Variants in ANKS1B observed in about 807,000 individuals in gnomAD.
ANKS1B encodes the protein ankyrin repeat and sterile alpha motif domain-containing protein 1B.
ANKS1B carries 36 observed loss-of-function variants against 148.3 expected under a neutral mutation model. That is an observed-to-expected ratio of 0.24 (90% CI 0.19 to 0.32). ANKS1B has a LOEUF of 0.32. Among genes scored for constraint, ANKS1B ranks in the 10% least tolerant of loss-of-function variants. The probability of loss-of-function intolerance (pLI) is 1.00; values close to 1 mark genes in which losing one functional copy is unlikely to be tolerated. For missense variants in ANKS1B, 1,157 were observed against 1,542.6 expected, an observed-to-expected ratio of 0.75 and a Z score of 4.19; for synonymous variants, 542 against 560.8, an observed-to-expected ratio of 0.97 and a Z score of 0.47.
At chr12:98,984,738 G>C (rs2099922258) in intron 17 of ANKS1B, among the ~76,000 whole-genome samples, 1 of 152,022 alleles carries the variant, frequency 6.6e-6, no homozygotes. Context: ...TGTGGCTCAT[G>C]GTGGCTCATG....
intron 11 of ANKS1B, among the ~76,000 whole-genome samples, chr12:99,409,977 G>C (rs1400840137): frequency 6.6e-6 from 1 of 152,156 alleles, no homozygotes; most frequent in South Asian, 2.1e-4. Context: ...CTGTGGTCCA[G>C]TCCTCATATC....
In ANKS1B at chr12:99,668,729, G is replaced by A. The variant is rs1246985646; in HGVS notation, c.1129-13519C>T. Among the ~76,000 whole-genome samples, 3 of 149,084 alleles carry A rather than the reference G, an allele frequency of 2.0e-5. No homozygotes were observed. In the Admixed American group the frequency reaches 2.0e-4, roughly 10 times the overall value. Reference sequence around the variant, plus strand: ...GCCATTGTTTTTGTTATTTTTTTTTGTTATTCTTTCATTCCTAACCCCTCC... The same window carrying A: ...GCCATTGTTTTTGTTATTTTTTTTTATTATTCTTTCATTCCTAACCCCTCC... On this transcript the variant is annotated intron_variant, in intron 8 of 26. Coordinates refer to ENST00000683438, the MANE Select transcript of ANKS1B (RefSeq NM_001352186.2).
intron 17 of ANKS1B, among the ~76,000 whole-genome samples, chr12:98,875,321 A>G (rs2099685681): frequency 2.0e-5 from 3 of 152,156 alleles, no homozygotes; most frequent in African/African-American, 7.2e-5. Context: ...CTGACCATGT[A>G]AATTCTCCCT....
At chr12:98,933,713 T>C (rs1029521788) in intron 17 of ANKS1B, among the ~76,000 whole-genome samples, 3 of 152,146 alleles carry the variant, frequency 2.0e-5, no homozygotes, top group Non-Finnish European at 4.4e-5. Flanking sequence ...TGAGCTCTCA[T>C]AGTGCTTTTG....
intron 10 of ANKS1B, among the ~76,000 whole-genome samples, chr12:99,475,219 T>C (rs2096298715): frequency 1.4e-5 from 2 of 148,014 alleles, no homozygotes; most frequent in African/African-American, 5.0e-5. Flanking sequence ...CACTCCAGCC[T>C]GGGTGACAGA....
At chr12:99,461,380 C>A (rs571170281) in intron 10 of ANKS1B, among the ~76,000 whole-genome samples, 4 of 151,860 alleles carry the variant, frequency 2.6e-5, no homozygotes, top group South Asian at 4.1e-4. Context: ...CACTAAAGAA[C>A]TTATTCATGT....
At chr12:98,767,637 A>G (rs1029394188) in intron 25 of ANKS1B, among the ~76,000 whole-genome samples, 5 of 152,258 alleles carry the variant, frequency 3.3e-5, no homozygotes, top group Admixed American at 2.6e-4. Context: ...AATGCTATTA[A>G]AAAGGAAGAA....
At chr12:99,714,409 C>T (rs2057031580) in intron 8 of ANKS1B, among the ~76,000 whole-genome samples, 2 of 152,142 alleles carry the variant, frequency 1.3e-5, no homozygotes, top group Non-Finnish European at 2.9e-5. Context: ...CACATATTGC[C>T]TTTTTACAGA....
At chr12:99,599,311 G>A (rs1292864272) in intron 9 of ANKS1B, among the ~76,000 whole-genome samples, 1 of 152,038 alleles carries the variant, frequency 6.6e-6, no homozygotes, top group Admixed American at 6.6e-5. Flanking sequence ...ATACACAAAG[G>A]AGTAAAGGTC....
intron 1 of ANKS1B, among the ~76,000 whole-genome samples, chr12:99,939,768 G>C (rs906301232): frequency 3.3e-5 from 5 of 152,078 alleles, no homozygotes; most frequent in Non-Finnish European, 5.9e-5. Context: ...AATTCAGTTA[G>C]TTACGTGTTA....
intron 17 of ANKS1B, among the ~76,000 whole-genome samples, chr12:98,884,168 T>A (rs2099727955): frequency 6.6e-6 from 1 of 152,214 alleles, no homozygotes; most frequent in Non-Finnish European, 1.5e-5. Context: ...CAAAATGGTA[T>A]CCCAAAGGAA....
intron 9 of ANKS1B, among the ~76,000 whole-genome samples, chr12:99,622,185 T>C (rs1001269092): frequency 1.3e-5 from 2 of 151,884 alleles, no homozygotes; most frequent in African/African-American, 4.8e-5. Context: ...AATCAAAAAA[T>C]TTTCCTGAAA....
chr12:98,999,607 T>A (rs1471388210), intron 17 of ANKS1B, among the ~76,000 whole-genome samples: 1 of 152,246 alleles, frequency 6.6e-6, no homozygotes. Context: ...ATCTATGATT[T>A]ATTAGGTATC....
At chr12:99,330,293 A>G (rs2087253241) in intron 12 of ANKS1B, among the ~76,000 whole-genome samples, 1 of 151,980 alleles carries the variant, frequency 6.6e-6, no homozygotes, top group Admixed American at 6.6e-5. Flanking sequence ...TATGTCTATT[A>G]TAGATTCAAG....
chr12:99,780,038 A>T (rs1263229308), intron 5 of ANKS1B, 66 bp from the exon 6 acceptor site: 10 of 1,127,082 alleles, frequency 8.9e-6, no homozygotes, highest in Non-Finnish European at 1.3e-5. Flanking sequence ...TACTATCACT[A>T]TCTAACTGCT....
chr12:99,626,975 A>C (rs1388837786), intron 9 of ANKS1B, among the ~76,000 whole-genome samples: 1 of 151,480 alleles, frequency 6.6e-6, no homozygotes, highest in African/African-American at 2.4e-5. Flanking sequence ...GATATAATAA[A>C]ATAATAGACA....
chr12:99,891,398 A>T lies in ANKS1B; in HGVS notation c.135-66009T>A, dbSNP rs1021527384. On this transcript the variant is annotated intron_variant, in intron 1 of 26. Transcript: ENST00000683438. ...GTTTATATCTCATTGTGATTTTTTT[A>T]AAATAGAGACAGAGTCTTGCTATGT... Among the ~76,000 whole-genome samples, 3 of 152,002 alleles carry T rather than the reference A, an allele frequency of 2.0e-5. No homozygotes were observed. The East Asian group carries it at 5.8e-4, about 29-fold the overall frequency.
At chr12:99,536,455 A>G (rs2097067999) in intron 9 of ANKS1B, among the ~76,000 whole-genome samples, 1 of 152,116 alleles carries the variant, frequency 6.6e-6, no homozygotes, top group Non-Finnish European at 1.5e-5. Context: ...CTTCACAGCT[A>G]TATGTTCTTA....
intron 4 of ANKS1B, among the ~76,000 whole-genome samples, chr12:99,800,324 C>T (rs944245316): frequency 1.3e-5 from 2 of 151,558 alleles, no homozygotes; most frequent in South Asian, 2.1e-4. Flanking sequence ...TGGAATTGGC[C>T]GGAACTTGAT....
Sources: gnomAD v4.1 joint callset for allele counts (sites outside exome capture counted in the v4.1 genomes callset) on GRCh38, gnomAD v4.1.1 for gene constraint, MANE v1.5 for transcripts, NCBI Gene and HGNC (gene_info 2026-07-23, HGNC 2026-07-21) for gene names.